Variants in CLOCK observed in about 807,000 individuals in gnomAD.
CLOCK encodes clock circadian regulator.
CLOCK carries 43 observed loss-of-function variants against 118.4 expected under a neutral mutation model. That is an observed-to-expected ratio of 0.36 (90% CI 0.28 to 0.47). The LOEUF is 0.47. CLOCK is among the 20% of genes least tolerant of loss of function. CLOCK has a pLI of 1.00. For synonymous variants in CLOCK, 326 were observed against 339.2 expected (o/e 0.96, Z 0.43); for missense variants, 846 against 999.9 (o/e 0.85, Z 2.08).
chr4:55,456,179 T>C lies in CLOCK; in HGVS notation c.875+39A>G, dbSNP rs747073134. 4.8e-6 allele frequency: 7 copies of C among 1,444,916 alleles called. No individual in the cohort carries two copies. The South Asian group carries it at 7.2e-5, about 15-fold the overall frequency. The allele number at this position is 1,444,916 out of a possible 1,614,324, so 89.5% of individuals were successfully genotyped here. A position where few individuals can be genotyped will look rare whatever the true frequency, so the allele number is the denominator to read the frequency against. On this transcript the variant is annotated intron_variant, in intron 12 of 22. Transcript: ENST00000513440. ...CATTAATTTCAAGAATTATATAACA[T>C]GACTATTACCTTTTCATGGAATTTA... is the stretch of plus-strand genomic sequence containing the variant.
intron 1 of CLOCK, among the ~76,000 whole-genome samples, chr4:55,543,042 T>G (rs2110126301): frequency 1.3e-5 from 2 of 152,164 alleles, no homozygotes; most frequent in Admixed American, 1.3e-4. Flanking sequence ...GCCTCCCAAT[T>G]AGCTGAAACT....
At chr4:55,535,568 T>C (rs1730836209) in intron 1 of CLOCK, among the ~76,000 whole-genome samples, 1 of 151,964 alleles carries the variant, frequency 6.6e-6, no homozygotes, top group South Asian at 2.1e-4. Context: ...ATAATAATAA[T>C]AATAGGAAAT....
intron 2 of CLOCK, among the ~76,000 whole-genome samples, chr4:55,509,320 A>G (rs901388213): frequency 6.6e-6 from 1 of 152,272 alleles, no homozygotes; most frequent in Non-Finnish European, 1.5e-5. Context: ...ATGTTCTAAT[A>G]AAGCTTTACT....
intron 19 of CLOCK, among the ~76,000 whole-genome samples, chr4:55,444,278 T>A (rs372109360): frequency 1.3e-5 from 2 of 152,222 alleles, no homozygotes; most frequent in African/African-American, 4.8e-5. Flanking sequence ...TCATACATAC[T>A]GGTATCTTAA....
At chr4:55,516,131 T>C (rs1404894226) in intron 1 of CLOCK, among the ~76,000 whole-genome samples, 2 of 152,182 alleles carry the variant, frequency 1.3e-5, no homozygotes, top group African/African-American at 4.8e-5. Flanking sequence ...TTGTCTCTTG[T>C]GGTGAGTGTT....
chr4:55,540,012 T>C (rs1731160988), intron 1 of CLOCK, among the ~76,000 whole-genome samples: 1 of 151,078 alleles, frequency 6.6e-6, no homozygotes, highest in Non-Finnish European at 1.5e-5. Context: ...TATTAATTTT[T>C]TTTTTTTTTT....
At chr4:55,447,756 A>G (rs1250886743) in intron 18 of CLOCK, among the ~76,000 whole-genome samples, 1 of 152,218 alleles carries the variant, frequency 6.6e-6, no homozygotes, top group Non-Finnish European at 1.5e-5. Flanking sequence ...AAATAACCAT[A>G]TAAGATGGAG....
chr4:55,473,770 T>C (rs1726304092), intron 7 of CLOCK, among the ~76,000 whole-genome samples: 4 of 152,188 alleles, frequency 2.6e-5, no homozygotes, highest in Admixed American at 2.6e-4. Context: ...TTGTGTCACA[T>C]TTTGGTAATT....
chr4:55,520,265 C>T (rs980981476), intron 1 of CLOCK, among the ~76,000 whole-genome samples: 2 of 152,154 alleles, frequency 1.3e-5, no homozygotes, highest in African/African-American at 4.8e-5. Flanking sequence ...TCACTGCCCC[C>T]ACACCGATCA....
chr4:55,478,975 A>G lies in CLOCK; in HGVS notation c.108-12T>C. 1 of 1,568,482 alleles carries G rather than the reference A, an allele frequency of 6.4e-7. No homozygotes were observed. The highest frequency in any genetic ancestry group is 8.7e-7 in the Non-Finnish European group (1 of 1,150,310). On this transcript the variant is annotated splice_polypyrimidine_tract_variant and intron_variant, in intron 5 of 22. Transcript: ENST00000513440. ...TGTTTCTAGATACTCTGATGAAATGAAAAATATGCATTTTTTAAACAATCC... is the reference window on the plus strand; with the variant it reads ...TGTTTCTAGATACTCTGATGAAATGGAAAATATGCATTTTTTAAACAATCC...
At chr4:55,449,374 G>C in intron 17 of CLOCK, 22 bp downstream of exon 17, 1 of 1,573,572 alleles carries the variant, frequency 6.4e-7, no homozygotes, top group Non-Finnish European at 8.7e-7. Flanking sequence ...TTATTCAGAA[G>C]AATATCCACT....
At position 55,431,485 on chromosome 4, in the gene CLOCK, T is replaced by TA. The variant is rs1472850349; in HGVS notation, c.*3929dup. 1 of 152,210 alleles carries TA rather than the reference T, an allele frequency of 6.6e-6. No individual in the cohort carries two copies. Among genetic ancestry groups the TA allele is most frequent in the African/African-American group, 2.4e-5 (1 of 41,448 alleles). The allele number at this position is 152,210 out of a possible 1,614,324, so 9.4% of individuals were successfully genotyped here. ...AAAAGGTTCTCTTTCTCCAAACACT[T>TA]AAAATGGCAAGTGCCTTTGTGCTGT... On this transcript the variant is annotated 3_prime_UTR_variant, in exon 23 of 23. Coordinates refer to ENST00000513440, the MANE Select transcript of CLOCK (RefSeq NM_004898.4).
intron 8 of CLOCK, among the ~76,000 whole-genome samples, chr4:55,465,498 C>T (rs911964750): frequency 1.3e-4 from 20 of 152,134 alleles, no homozygotes; most frequent in Non-Finnish European, 8.8e-5. Context: ...ACATTAACAC[C>T]GTGCCTTGTG....
At position 55,450,095 on chromosome 4, in the gene CLOCK, AGGGTCTGAGAC is replaced by A; in HGVS notation, c.1333_1343del (p.Val445PhefsTer23). ...CTTTGAAGCAAGGGTACTCACAGGA[AGGGTCTGAGAC>A]GGCCGTGTGAGATGATTTTCTTGAA... On this transcript the variant is annotated frameshift_variant, in exon 16 of 23. Coordinates refer to ENST00000513440, the MANE Select transcript of CLOCK (RefSeq NM_004898.4). LOFTEE classifies it high-confidence loss of function. The A allele has an allele frequency of 6.2e-7, 1 of 1,614,138 alleles. No individual in the cohort carries two copies. The highest frequency in any genetic ancestry group is 8.5e-7 in the Non-Finnish European group (1 of 1,179,996).
intron 3 of CLOCK, among the ~76,000 whole-genome samples, chr4:55,488,793 T>C (rs1009320869): frequency 2.0e-5 from 3 of 152,146 alleles, no homozygotes; most frequent in African/African-American, 7.2e-5. Flanking sequence ...TGGAATGCAG[T>C]GACACAATCA....
At chr4:55,535,667 C>A (rs1252351997) in intron 1 of CLOCK, among the ~76,000 whole-genome samples, 1 of 150,906 alleles carries the variant, frequency 6.6e-6, no homozygotes, top group Non-Finnish European at 1.5e-5. Context: ...TTATAAAAAT[C>A]ATATTTTTAA....
chr4:55,480,955 G>A (rs935078396), intron 4 of CLOCK, among the ~76,000 whole-genome samples: 12 of 151,824 alleles, frequency 7.9e-5, no homozygotes, highest in Non-Finnish European at 1.8e-4. Flanking sequence ...ACTGCAGTCT[G>A]AGCGGTTAGT....
At chr4:55,444,824 G>A in intron 18 of CLOCK, 39 bp from the exon 19 acceptor site, 1 of 1,594,288 alleles carries the variant, frequency 6.3e-7, no homozygotes, top group Non-Finnish European at 8.6e-7. Context: ...ATATATTTTA[G>A]AATTACTTAC....
At chr4:55,526,712 G>A (rs1730211066) in intron 1 of CLOCK, among the ~76,000 whole-genome samples, 1 of 152,190 alleles carries the variant, frequency 6.6e-6, no homozygotes, top group Middle Eastern at 3.4e-3. Flanking sequence ...ACTTTGGGAG[G>A]TCGAGGTGGT....
Sources: gnomAD v4.1 joint callset for allele counts (sites outside exome capture counted in the v4.1 genomes callset) on GRCh38, gnomAD v4.1.1 for gene constraint, MANE v1.5 for transcripts, NCBI Gene and HGNC (gene_info 2026-07-23, HGNC 2026-07-21) for gene names.